POLA1: variants seen among roughly 807,000 people sequenced by gnomAD.
The protein encoded by POLA1 is DNA polymerase alpha 1, catalytic subunit.
Under a neutral mutation model 124.0 loss-of-function variants are expected in POLA1, and 15 were observed. That is an observed-to-expected ratio of 0.12 (90% CI 0.08 to 0.19). POLA1 has a LOEUF of 0.19. Ranked by LOEUF, POLA1 falls within the 10% of genes least tolerant of loss-of-function variation. The pLI, the probability that POLA1 is intolerant of heterozygous loss-of-function variation, is 1.00. For missense variants in POLA1, 886 were observed against 1,103.4 expected (o/e 0.80, Z 2.79); for synonymous variants, 408 against 389.4 (o/e 1.05, Z -0.56).
intron 36 of POLA1, among the ~76,000 whole-genome samples, chrX:24,983,983 C>T (rs2048451162): frequency 8.9e-6 from 1 of 112,278 alleles, no homozygotes; most frequent in Non-Finnish European, 1.9e-5. Context: ...GGCTGCTTAA[C>T]AAGGCCAGAG....
intron 36 of POLA1, among the ~76,000 whole-genome samples, chrX:24,992,120 C>T (rs183921144): frequency 3.3e-4 from 37 of 111,974 alleles, no homozygotes; most frequent in African/African-American, 1.2e-3. Flanking sequence ...TGTGCATAGC[C>T]GGAAGCTCAG....
At chrX:24,964,614 C>T (rs1601913683) in intron 36 of POLA1, among the ~76,000 whole-genome samples, 2 of 112,435 alleles carry the variant, frequency 1.8e-5, no homozygotes, top group African/African-American at 3.2e-5. Flanking sequence ...ATAAATACTG[C>T]GTATTTTGAA....
At chrX:24,773,244 G>A (rs2045074601) in intron 26 of POLA1, among the ~76,000 whole-genome samples, 1 of 112,432 alleles carries the variant, frequency 8.9e-6, no homozygotes, top group South Asian at 3.7e-4. Flanking sequence ...CTTGTTTGCA[G>A]AACAACTATA....
At chrX:24,797,055 G>C (rs992184467) in intron 26 of POLA1, among the ~76,000 whole-genome samples, 2 of 111,635 alleles carry the variant, frequency 1.8e-5, no homozygotes, top group Non-Finnish European at 3.8e-5. Context: ...CAATTATGCT[G>C]TTCAGGCCTC....
At chrX:24,930,873 G>T (rs1446877213) in intron 36 of POLA1, among the ~76,000 whole-genome samples, 2 of 112,364 alleles carry the variant, frequency 1.8e-5, no homozygotes, top group Non-Finnish European at 3.8e-5. Context: ...AGTAAGCATA[G>T]GCAACGTGAT....
chrX:24,735,342 T>C, intron 17 of POLA1, 57 bp from the exon 18 acceptor site: 1 of 705,590 alleles, frequency 1.4e-6, no homozygotes, highest in Non-Finnish European at 2.3e-6. Flanking sequence ...GAAGCCAAGA[T>C]ACAGTACTTG....
intron 34 of POLA1, among the ~76,000 whole-genome samples, chrX:24,872,799 CA>C (rs1179118851): frequency 1.8e-5 from 2 of 111,462 alleles, no homozygotes; most frequent in Admixed American, 1.9e-4. Flanking sequence ...TCAGAAGGAT[CA>C]AAAACTTAAA....
At chrX:24,725,067 A>G (rs146947120) in intron 12 of POLA1, among the ~76,000 whole-genome samples, 100 of 111,516 alleles carry the variant, frequency 9.0e-4, no homozygotes, top group African/African-American at 3.2e-3. Flanking sequence ...TCAAGTCTTT[A>G]TAATTCTAGA....
chrX:24,858,775 A>G (rs2046679751), intron 34 of POLA1, among the ~76,000 whole-genome samples: 1 of 112,438 alleles, frequency 8.9e-6, no homozygotes, highest in Non-Finnish European at 1.9e-5. Flanking sequence ...GCATGTCAGT[A>G]CTGAAGTAGG....
At chrX:24,916,290 T>C (rs1307724591) in intron 35 of POLA1, among the ~76,000 whole-genome samples, 3 of 106,049 alleles carry the variant, frequency 2.8e-5, no homozygotes, top group Non-Finnish European at 5.8e-5. Flanking sequence ...CTTTTTTCTT[T>C]TTTTTTTTTT....
chrX:24,954,363 G>C (rs1472897921), intron 36 of POLA1, among the ~76,000 whole-genome samples: 1 of 112,291 alleles, frequency 8.9e-6, no homozygotes, highest in African/African-American at 3.2e-5. Context: ...TGTGTTGCTA[G>C]ATCCACATTT....
intron 34 of POLA1, among the ~76,000 whole-genome samples, chrX:24,869,554 G>C (rs1224693965): frequency 8.9e-6 from 1 of 112,362 alleles, no homozygotes. Flanking sequence ...GCCTGAGGGA[G>C]GCTAGAGTGT....
intron 36 of POLA1, among the ~76,000 whole-genome samples, chrX:24,979,693 A>G (rs752892419): frequency 4.3e-4 from 48 of 112,455 alleles, no homozygotes; most frequent in African/African-American, 1.5e-3. Flanking sequence ...AAGGAAACAC[A>G]AGAAACAAAA....
chrX:24,702,844 A>G (rs1482006868), intron 2 of POLA1, among the ~76,000 whole-genome samples: 1 of 112,535 alleles, frequency 8.9e-6, no homozygotes, highest in Non-Finnish European at 1.9e-5. Context: ...AGCGTACATC[A>G]GCTAGTGGAG....
At chrX:24,918,001 C>T (rs986180922) in intron 35 of POLA1, among the ~76,000 whole-genome samples, 1 of 110,852 alleles carries the variant, frequency 9.0e-6, no homozygotes, top group African/African-American at 3.3e-5. Context: ...CTTGGTAGAA[C>T]CAGAATTTGA....
intron 10 of POLA1, among the ~76,000 whole-genome samples, chrX:24,719,919 A>T (rs1930099141): frequency 9.1e-6 from 1 of 109,855 alleles, no homozygotes; most frequent in Non-Finnish European, 1.9e-5. Flanking sequence ...CTCCTAATTG[A>T]TCTCTTAGCT....
intron 4 of POLA1, among the ~76,000 whole-genome samples, chrX:24,709,151 C>T (rs865941342): frequency 3.3e-3 from 248 of 74,268 alleles, no homozygotes; most frequent in Non-Finnish European, 4.9e-3. Flanking sequence ...CGGGCAGAGG[C>T]GCCCCTCACC....
Position 24,742,150 on chromosome X carries a change from T to A in POLA1, c.2466+29T>A, listed in dbSNP as rs200716900. On this transcript the variant is annotated intron_variant, in intron 22 of 36. Coordinates refer to ENST00000379068, the MANE Select transcript of POLA1 (RefSeq NM_001330360.2). ...GGTCCAAAACTGTGTAGTATTTTGT[T>A]TTCTCTTAACCCCCCCCCCCCTTTT... 8.6e-6 allele frequency: 10 copies of A among 1,156,875 alleles called. No homozygotes were observed. In the East Asian group the frequency reaches 3.2e-4, roughly 37 times the overall value.
chrX:24,972,213 C>T (rs11573509), intron 36 of POLA1, among the ~76,000 whole-genome samples: 2,651 of 111,653 alleles, frequency 0.024, 83 homozygotes, highest in African/African-American at 0.08. Flanking sequence ...TCAGGTGATC[C>T]ACCCTCCTTG....
Sources: gnomAD v4.1 joint callset for allele counts (sites outside exome capture counted in the v4.1 genomes callset) on GRCh38, gnomAD v4.1.1 for gene constraint, MANE v1.5 for transcripts, NCBI Gene and HGNC (gene_info 2026-07-23, HGNC 2026-07-21) for gene names.